PCSK6: variants seen among roughly 807,000 people sequenced by gnomAD.
The protein encoded by PCSK6 is paired basic amino acid cleaving enzyme 4.
Under a neutral mutation model 123.3 loss-of-function variants are expected in PCSK6, and 85 were observed. That is an observed-to-expected ratio of 0.69 (90% CI 0.58 to 0.83). The LOEUF (loss-of-function observed/expected upper bound fraction) is 0.83. Among genes scored for constraint, PCSK6 ranks in the 40% least tolerant of loss-of-function variants. PCSK6 has a pLI of 0.00. For missense variants in PCSK6, 1,191 were observed against 1,282.3 expected, an observed-to-expected ratio of 0.93 and a Z score of 1.09; for synonymous variants, 508 against 516.0, an observed-to-expected ratio of 0.98 and a Z score of 0.21.
chr15:101,423,540 G>A lies in PCSK6; in HGVS notation c.823+4352C>T, dbSNP rs918222716. 3.9e-5 allele frequency among the ~76,000 whole-genome samples: 6 copies of A among 152,236 alleles called. No individual in the cohort carries two copies. The East Asian group carries it at 1.2e-3, about 29-fold the overall frequency. On this transcript the variant is annotated intron_variant, in intron 6 of 21. Transcript: ENST00000611716. Reference sequence around the variant, plus strand: ...GCCACCCAAACTGCTGAGATTACAGGTGTGAGCCACCATGCCCAGCCCTGA... The same window carrying A: ...GCCACCCAAACTGCTGAGATTACAGATGTGAGCCACCATGCCCAGCCCTGA...
intron 13 of PCSK6, among the ~76,000 whole-genome samples, chr15:101,354,776 C>T (rs1054799362): frequency 2.0e-5 from 3 of 152,214 alleles, no homozygotes; most frequent in Non-Finnish European, 2.9e-5. Flanking sequence ...TGGTTTCGCC[C>T]ACCCTCTTCC....
chr15:101,404,957 A>G (rs1198989068), intron 6 of PCSK6, among the ~76,000 whole-genome samples: 2 of 152,190 alleles, frequency 1.3e-5, no homozygotes, highest in Admixed American at 6.5e-5. Context: ...ATACATAAAA[A>G]CATATGACCA....
intron 2 of PCSK6, among the ~76,000 whole-genome samples, chr15:101,436,425 C>T (rs752367579): frequency 6.6e-6 from 1 of 152,336 alleles, no homozygotes; most frequent in African/African-American, 2.4e-5. Flanking sequence ...GACAGCTCGG[C>T]CAGCTCTTTC....
intron 13 of PCSK6, among the ~76,000 whole-genome samples, chr15:101,360,674 G>A (rs560206979): frequency 1.6e-3 from 203 of 126,440 alleles, no homozygotes; most frequent in Middle Eastern, 4.2e-3. Flanking sequence ...ACTCCTGCCC[G>A]GGGGCCTTAG....
rs111252184 is a variant in PCSK6 at position 101,399,672 on chromosome 15, C to T, written c.824-1096G>A. Among the ~76,000 whole-genome samples, 1,143 of 152,262 alleles carry T rather than the reference C, an allele frequency of 7.5e-3. 17 individuals are homozygous for T. The highest frequency in any genetic ancestry group is 0.026 in the African/African-American group (1,077 of 41,544). On this transcript the variant is annotated intron_variant, in intron 6 of 21. Transcript: ENST00000611716. ...CATCTGAGAAAAACCTGGCATGAAA[C>T]GGGGAAGCAGGGGGTAATGACGGCC...
At chr15:101,432,257 G>A (rs917597323) in intron 2 of PCSK6, among the ~76,000 whole-genome samples, 157 bp from the exon 3 acceptor site, 3 of 152,112 alleles carry the variant, frequency 2.0e-5, no homozygotes, top group Non-Finnish European at 2.9e-5. Flanking sequence ...ACTTCAAAGT[G>A]ACTACATTTG....
chr15:101,305,504 T>C lies in PCSK6; in HGVS notation c.2813-149A>G, dbSNP rs2039703199. The C allele has an allele frequency of 1.6e-6, 1 of 627,226 alleles. No homozygotes were observed. The highest frequency in any genetic ancestry group is 2.9e-5 in the East Asian group (1 of 34,156). 38.9% of individuals were successfully genotyped at this position (627,226 alleles called of 1,614,324 possible). ...GGGTGGATCACCTGAGGTCAGGAGC[T>C]TGAGACCAGTCTAACCAACATGGTG... is the stretch of plus-strand genomic sequence containing the variant. On this transcript the variant is annotated intron_variant, in intron 21 of 21. Transcript: ENST00000611716. This position sits in a 1 kb window ranked among gnomAD's most constrained non-coding sequence, Gnocchi z 4.8.
intron 20 of PCSK6, among the ~76,000 whole-genome samples, chr15:101,310,941 T>C (rs1169874594): frequency 2.6e-5 from 4 of 152,130 alleles, no homozygotes; most frequent in African/African-American, 9.7e-5. Flanking sequence ...GTTTGAACAT[T>C]TGTCCCCTCC....
At chr15:101,416,761 G>A (rs1567205449) in intron 6 of PCSK6, among the ~76,000 whole-genome samples, 1 of 152,266 alleles carries the variant, frequency 6.6e-6, no homozygotes, top group Non-Finnish European at 1.5e-5. Context: ...GGCTTCAGAG[G>A]GTGGGAGCCC....
chr15:101,311,659 C>T (rs1439018928), intron 20 of PCSK6, among the ~76,000 whole-genome samples: 3 of 124,274 alleles, frequency 2.4e-5, no homozygotes, highest in African/African-American at 7.1e-5. Flanking sequence ...ACCCCATCGT[C>T]ACCCCTCACA....
chr15:101,437,919 T>C (rs546061977), intron 2 of PCSK6, among the ~76,000 whole-genome samples: 1 of 152,202 alleles, frequency 6.6e-6, no homozygotes, highest in Admixed American at 6.5e-5. Context: ...TAATGGGAGA[T>C]AAGGGCCTTA....
At chr15:101,448,250 T>C (rs942227737) in intron 1 of PCSK6, among the ~76,000 whole-genome samples, 9 of 152,244 alleles carry the variant, frequency 5.9e-5, no homozygotes, top group African/African-American at 2.2e-4. Flanking sequence ...ATCAAACTGA[T>C]AACATCATTA....
intron 1 of PCSK6, among the ~76,000 whole-genome samples, chr15:101,456,438 G>A (rs1316193660): frequency 1.3e-5 from 2 of 152,178 alleles, no homozygotes; most frequent in Non-Finnish European, 2.9e-5. Flanking sequence ...GTCTCCAGAG[G>A]CGTCTGTCCA....
intron 9 of PCSK6, among the ~76,000 whole-genome samples, chr15:101,385,679 T>C (rs1306102912): frequency 6.6e-6 from 1 of 152,258 alleles, no homozygotes; most frequent in Non-Finnish European, 1.5e-5. Context: ...GCATTGTTCC[T>C]TTCTTCTAAT....
At chr15:101,375,898 A>G (rs1057173874) in intron 11 of PCSK6, among the ~76,000 whole-genome samples, 7 of 152,098 alleles carry the variant, frequency 4.6e-5, no homozygotes, top group Non-Finnish European at 8.8e-5. Context: ...GCCAGGTGTG[A>G]TGGCATGTGC....
chr15:101,452,578 C>T (rs1436318072), intron 1 of PCSK6, among the ~76,000 whole-genome samples: 1 of 152,054 alleles, frequency 6.6e-6, no homozygotes, highest in African/African-American at 2.4e-5. Context: ...CGGGGTGGCC[C>T]AGAACAAGGC....
chr15:101,311,518 G>A (rs1026387679), intron 20 of PCSK6, among the ~76,000 whole-genome samples: 3 of 152,010 alleles, frequency 2.0e-5, no homozygotes, highest in Non-Finnish European at 2.9e-5. Context: ...AGATGCTGGC[G>A]CCATGTTTCC....
chr15:101,448,687 C>G (rs1305215529), intron 1 of PCSK6, among the ~76,000 whole-genome samples: 1 of 152,236 alleles, frequency 6.6e-6, no homozygotes, highest in African/African-American at 2.4e-5. Flanking sequence ...AGCAGTGAAA[C>G]TGTTCAAGAT....
chr15:101,458,931 T>A (rs1202000064), intron 1 of PCSK6, among the ~76,000 whole-genome samples: 2 of 152,130 alleles, frequency 1.3e-5, no homozygotes, highest in East Asian at 3.9e-4. Context: ...CACCCCGACA[T>A]CCCGCAAGCA....
Sources: gnomAD v4.1 joint callset for allele counts (sites outside exome capture counted in the v4.1 genomes callset) on GRCh38, gnomAD v4.1.1 for gene constraint, Gnocchi (gnomAD v3.1) non-coding constraint, MANE v1.5 for transcripts, NCBI Gene and HGNC (gene_info 2026-07-23, HGNC 2026-07-21) for gene names.